Variants in ZNF148 observed in about 807,000 individuals in gnomAD.
ZNF148 encodes zinc finger protein 148.
A neutral mutation model predicts 67.7 loss-of-function variants in ZNF148; 7 were observed. The observed-to-expected ratio is 0.10, with a 90% confidence interval of 0.06 to 0.19. ZNF148 has a LOEUF of 0.19. Among genes scored for constraint, ZNF148 ranks in the 10% least tolerant of loss-of-function variants. The probability of loss-of-function intolerance (pLI) is 1.00; values close to 1 mark genes in which losing one functional copy is unlikely to be tolerated. For synonymous variants in ZNF148, 333 were observed against 330.7 expected, an observed-to-expected ratio of 1.01 and a Z score of -0.08; for missense variants, 583 against 947.1, an observed-to-expected ratio of 0.62 and a Z score of 5.05.
chr3:125,234,591 A>C (rs534831945), intron 7 of ZNF148, among the ~76,000 whole-genome samples: 4 of 152,346 alleles, frequency 2.6e-5, no homozygotes, highest in Admixed American at 2.0e-4. Flanking sequence ...CAGCAGTGCC[A>C]GGAATTTATA....
intron 1 of ZNF148, among the ~76,000 whole-genome samples, chr3:125,358,024 T>C (rs950956003): frequency 6.6e-6 from 1 of 152,220 alleles, no homozygotes; most frequent in African/African-American, 2.4e-5. Flanking sequence ...ACAAGCTTCA[T>C]AAATCGGACC....
At chr3:125,335,266 T>A (rs1941444641) in intron 1 of ZNF148, among the ~76,000 whole-genome samples, 1 of 152,328 alleles carries the variant, frequency 6.6e-6, no homozygotes, top group African/African-American at 2.4e-5. Context: ...AGTATTTTTT[T>A]AATTATTAGT....
chr3:125,243,103 T>C (rs1279448944), intron 7 of ZNF148, among the ~76,000 whole-genome samples: 1 of 152,210 alleles, frequency 6.6e-6, no homozygotes, highest in East Asian at 1.9e-4. Flanking sequence ...TTTACCATGT[T>C]TACTCTTTTC....
chr3:125,306,148 T>C (rs1939864137), intron 4 of ZNF148, among the ~76,000 whole-genome samples: 1 of 152,048 alleles, frequency 6.6e-6, no homozygotes, highest in African/African-American at 2.4e-5. Flanking sequence ...AATGAAAAAA[T>C]ATATCAAAAG....
chr3:125,238,445 T>C (rs1030215253), intron 7 of ZNF148, among the ~76,000 whole-genome samples: 1 of 151,990 alleles, frequency 6.6e-6, no homozygotes, highest in African/African-American at 2.4e-5. Context: ...CTGGCCAACA[T>C]GGTGAAACCC....
intron 1 of ZNF148, among the ~76,000 whole-genome samples, chr3:125,339,844 T>C (rs1941641826): frequency 6.6e-6 from 1 of 152,152 alleles, no homozygotes; most frequent in Non-Finnish European, 1.5e-5. Flanking sequence ...CACATAATTA[T>C]ATACCATTAT....
At chr3:125,290,510 A>G (rs1423088579) in intron 4 of ZNF148, among the ~76,000 whole-genome samples, 1 of 152,000 alleles carries the variant, frequency 6.6e-6, no homozygotes, top group East Asian at 1.9e-4. Context: ...ATATTTAACT[A>G]TTTCATGTAC....
At chr3:125,364,086 T>C (rs954774372) in intron 1 of ZNF148, among the ~76,000 whole-genome samples, 50 of 152,222 alleles carry the variant, frequency 3.3e-4, no homozygotes, top group Non-Finnish European at 1.0e-4. Context: ...CTCCACTGCA[T>C]ACTGACTTAA....
chr3:125,329,580 A>G (rs1195994479), intron 2 of ZNF148, among the ~76,000 whole-genome samples: 1 of 151,590 alleles, frequency 6.6e-6, no homozygotes, highest in East Asian at 1.9e-4. Context: ...CTAGTCTCGA[A>G]CTCCTGACCT....
At position 125,232,735 on chromosome 3, in the gene ZNF148, T is replaced by C; in HGVS notation, c.1991A>G (p.Asn664Ser). 1 of 1,613,892 alleles carries C rather than the reference T, an allele frequency of 6.2e-7. No homozygotes were observed. The highest frequency in any genetic ancestry group is 8.5e-7 in the Non-Finnish European group (1 of 1,179,822). ...MPINSFRSGM[N>S]SPLRTTPDKS... ...ATCTGGAGTTGTTCTTAGTGGAGAA[T>C]TCATTCCTGATCGAAAGCTATTGAT... The change falls in exon 9 of 9, where the codon AAT (asparagine) becomes AGT (serine). Residue 664 changes from asparagine to serine, a missense_variant. By Grantham distance (46) the Asn-to-Ser change is conservative. Coordinates refer to ENST00000360647, the MANE Select transcript of ZNF148 (RefSeq NM_021964.3). This position sits in a 1 kb window ranked among gnomAD's most constrained non-coding sequence, Gnocchi z 4.2.
At chr3:125,276,594 C>T (rs940974405) in intron 7 of ZNF148, among the ~76,000 whole-genome samples, 70 of 151,984 alleles carry the variant, frequency 4.6e-4, no homozygotes, top group African/African-American at 1.6e-3. Context: ...CTACCATGCC[C>T]GGCTAATTTT....
chr3:125,287,204 T>C (rs1938707601), intron 5 of ZNF148, among the ~76,000 whole-genome samples: 1 of 152,208 alleles, frequency 6.6e-6, no homozygotes, highest in Admixed American at 6.5e-5. Flanking sequence ...CAGTATGATC[T>C]TTTTAAAAAG....
chr3:125,367,564 G>T (rs925030791), intron 1 of ZNF148, among the ~76,000 whole-genome samples: 3 of 152,156 alleles, frequency 2.0e-5, no homozygotes, highest in Admixed American at 6.5e-5. Flanking sequence ...GGCAGGTTAT[G>T]AATAAATGAA....
chr3:125,233,495 T>C lies in ZNF148; in HGVS notation c.1231A>G (p.Ile411Val), dbSNP rs1207203799. Residue 411 changes from isoleucine to valine, a missense_variant, in exon 9 of 9, where the codon ATT (isoleucine) becomes GTT (valine). Physicochemically the swap from Ile to Val is conservative, Grantham distance 29. Around this residue, in one of 5 missense-constraint regions of ZNF148, gnomAD observed 172 missense variants for 307.7 expected, o/e 0.56. Coordinates refer to ENST00000360647, the MANE Select transcript of ZNF148 (RefSeq NM_021964.3). This position sits in a 1 kb window ranked among gnomAD's most constrained non-coding sequence, Gnocchi z 5.1. ...LKQPLEQNQT[I>V]SPLSTYEESK... Reference sequence around the variant, plus strand: ...TCTTCATATGTGGATAAAGGTGAAATTGTTTGATTTTGCTCCAGTGGCTGT... The same window carrying C: ...TCTTCATATGTGGATAAAGGTGAAACTGTTTGATTTTGCTCCAGTGGCTGT... 2 of 1,613,764 alleles carry C rather than the reference T, an allele frequency of 1.2e-6. No individual in the cohort carries two copies. The highest frequency in any genetic ancestry group is 1.7e-6 in the Non-Finnish European group (2 of 1,179,932).
At position 125,330,550 on chromosome 3, in the gene ZNF148, G is replaced by A. The variant is rs186767370; in HGVS notation, c.-153+608C>T. On this transcript the variant is annotated intron_variant, in intron 2 of 8. Coordinates refer to ENST00000360647, the MANE Select transcript of ZNF148 (RefSeq NM_021964.3). ...ATTTTAGAATTTTTATGATCAGGCCGGGTACAGTGGCTCACACCTGTAATC... is the reference window on the plus strand; with the variant it reads ...ATTTTAGAATTTTTATGATCAGGCCAGGTACAGTGGCTCACACCTGTAATC... Among the ~76,000 whole-genome samples, 21 of 151,278 alleles carry A rather than the reference G, an allele frequency of 1.4e-4. No individual in the cohort carries two copies. In the East Asian group the frequency reaches 2.3e-3, roughly 17 times the overall value.
intron 1 of ZNF148, among the ~76,000 whole-genome samples, chr3:125,348,059 A>G (rs1329706173): frequency 1.3e-5 from 2 of 151,846 alleles, no homozygotes; most frequent in East Asian, 3.9e-4. Flanking sequence ...GCTTGAGACC[A>G]GCCTGGGCAA....
intron 4 of ZNF148, among the ~76,000 whole-genome samples, chr3:125,306,442 G>A (rs1350687108): frequency 6.6e-6 from 1 of 151,798 alleles, no homozygotes; most frequent in Non-Finnish European, 1.5e-5. Context: ...TCAGGAATGA[G>A]AAAAAAGAAA....
At chr3:125,280,947 G>A (rs1197930938) in intron 5 of ZNF148, among the ~76,000 whole-genome samples, 1 of 152,082 alleles carries the variant, frequency 6.6e-6, no homozygotes, top group Non-Finnish European at 1.5e-5. Flanking sequence ...TGTGGAAACT[G>A]ATTAGGGCCT....
chr3:125,233,598 C>G lies in ZNF148; in HGVS notation c.1128G>C (p.Ser376=). ...TTTCTCCTGACGCATCTTCTAAATG[C>G]GAGCCCCCAACTGACGAATGTGGCA... ...VEMPHSSVGG[S]HLEDASGEIH... The change falls in exon 9 of 9, where the codon TCG becomes TCC. Residue 376 remains serine (S), a synonymous_variant. Transcript: ENST00000360647. This position sits in a 1 kb window ranked among gnomAD's most constrained non-coding sequence, Gnocchi z 5.1. 6.2e-7 allele frequency: 1 copy of G among 1,613,910 alleles called. No individual in the cohort carries two copies. Among genetic ancestry groups the G allele is most frequent in the Non-Finnish European group, 8.5e-7 (1 of 1,179,920 alleles).
Sources: allele counts gnomAD v4.1 joint callset (sites outside exome capture counted in the v4.1 genomes callset), GRCh38; gene constraint gnomAD v4.1.1; regional missense constraint gnomAD v4.1.1; non-coding constraint Gnocchi (gnomAD v3.1); transcripts MANE v1.5; gene names NCBI Gene and HGNC (gene_info 2026-07-23, HGNC 2026-07-21).